The following MFHAS1 variants were observed in gnomAD, a reference collection of about 807,000 sequenced individuals.
MFHAS1 encodes multifunctional ROCO family signaling regulator 1, also known as malignant fibrous histiocytoma-amplified sequence 1.
Under a neutral mutation model 70.4 loss-of-function variants are expected in MFHAS1, and 50 were observed. The observed-to-expected ratio is 0.71, with a 90% confidence interval of 0.57 to 0.90. MFHAS1 has a LOEUF of 0.90. MFHAS1 is among the 40% of genes least tolerant of loss of function. MFHAS1 has a pLI of 0.00. For synonymous variants in MFHAS1, 952 were observed against 620.0 expected, an observed-to-expected ratio of 1.54 and a Z score of -7.96; for missense variants, 1,795 against 1,347.6, an observed-to-expected ratio of 1.33 and a Z score of -5.20.
At chr8:8,880,269 C>T (rs962101895) in intron 1 of MFHAS1, among the ~76,000 whole-genome samples, 10 of 152,198 alleles carry the variant, frequency 6.6e-5, no homozygotes, top group Non-Finnish European at 1.3e-4. Context: ...GTCACTTGGC[C>T]CCAGGAAGAA....
chr8:8,815,390 A>G (rs1806704482), intron 1 of MFHAS1, among the ~76,000 whole-genome samples: 1 of 152,150 alleles, frequency 6.6e-6, no homozygotes, highest in Non-Finnish European at 1.5e-5. Context: ...CCAGTAATGG[A>G]ATTGCTGGGT....
At chr8:8,870,872 T>C (rs981176165) in intron 1 of MFHAS1, among the ~76,000 whole-genome samples, 3 of 152,210 alleles carry the variant, frequency 2.0e-5, no homozygotes, top group Non-Finnish European at 4.4e-5. Context: ...TATAGTCCAG[T>C]ACTGCAATGT....
intron 1 of MFHAS1, among the ~76,000 whole-genome samples, chr8:8,805,338 C>G (rs1341708249): frequency 6.6e-6 from 1 of 152,160 alleles, no homozygotes; most frequent in African/African-American, 2.4e-5. Flanking sequence ...GAAGCCTTAC[C>G]AATAATGTAA....
intron 1 of MFHAS1, among the ~76,000 whole-genome samples, chr8:8,848,334 G>C (rs572021577): frequency 1.1e-3 from 171 of 151,298 alleles, no homozygotes; most frequent in African/African-American, 4.0e-3. Flanking sequence ...ACCCGTGTTA[G>C]CCATTTGGAG....
intron 2 of MFHAS1, among the ~76,000 whole-genome samples, chr8:8,795,804 G>C (rs556102148): frequency 2.8e-4 from 42 of 152,336 alleles, no homozygotes; most frequent in African/African-American, 1.0e-3. Flanking sequence ...TTTCCCAAGA[G>C]GAGATGACAG....
At chr8:8,797,545 C>T in intron 1 of MFHAS1, 54 bp from the exon 2 acceptor site, 1 of 1,577,458 alleles carries the variant, frequency 6.3e-7, no homozygotes, top group Non-Finnish European at 8.7e-7. Context: ...AAAATGGGCT[C>T]ATTTTACAAA....
chr8:8,825,712 T>C (rs1807133095), intron 1 of MFHAS1, among the ~76,000 whole-genome samples: 1 of 152,186 alleles, frequency 6.6e-6, no homozygotes, highest in Non-Finnish European at 1.5e-5. Flanking sequence ...TAATTACCTC[T>C]TTAAAGACCC....
intron 1 of MFHAS1, among the ~76,000 whole-genome samples, chr8:8,837,680 C>T (rs1807649307): frequency 6.6e-6 from 1 of 151,318 alleles, no homozygotes; most frequent in Non-Finnish European, 1.5e-5. Context: ...AGATGCTCAA[C>T]ACCACTTATC....
At chr8:8,818,041 A>G (rs1806813282) in intron 1 of MFHAS1, among the ~76,000 whole-genome samples, 3 of 152,068 alleles carry the variant, frequency 2.0e-5, no homozygotes, top group Admixed American at 1.3e-4. Context: ...TATGCATCCC[A>G]TTATGGACTA....
chr8:8,882,733 G>C (rs889176461), intron 1 of MFHAS1, among the ~76,000 whole-genome samples: 1 of 152,238 alleles, frequency 6.6e-6, no homozygotes, highest in East Asian at 1.9e-4. Flanking sequence ...ATTCATGCTA[G>C]AGCAGCCTTG....
chr8:8,861,568 T>G (rs2116890320), intron 1 of MFHAS1, among the ~76,000 whole-genome samples: 1 of 152,340 alleles, frequency 6.6e-6, no homozygotes, highest in Non-Finnish European at 1.5e-5. Flanking sequence ...ATTTTTTAAA[T>G]TAACAAGATA....
chr8:8,893,609 G>A lies in MFHAS1; in HGVS notation c.-551C>T, dbSNP rs1420706960. 2 of 146,852 alleles carry A rather than the reference G, an allele frequency of 1.4e-5. No individual in the cohort carries two copies. The highest frequency in any genetic ancestry group is 3.0e-5 in the Non-Finnish European group (2 of 65,932). 9.1% of individuals were successfully genotyped at this position (146,852 alleles called of 1,614,324 possible). A position where few individuals can be genotyped will look rare whatever the true frequency, so the allele number is the denominator to read the frequency against. Reference sequence around the variant, plus strand: ...GCGGGCGCCGCGTCCCCGGCGCTGGGAGGGCGCGATTGGGAAGCGGCAGCG... The same window carrying A: ...GCGGGCGCCGCGTCCCCGGCGCTGGAAGGGCGCGATTGGGAAGCGGCAGCG... On this transcript the variant is annotated 5_prime_UTR_variant, in exon 1 of 3. Coordinates refer to ENST00000276282, the MANE Select transcript of MFHAS1 (RefSeq NM_004225.3).
chr8:8,871,909 C>G (rs1342802732), intron 1 of MFHAS1, among the ~76,000 whole-genome samples: 2 of 152,198 alleles, frequency 1.3e-5, no homozygotes, highest in Non-Finnish European at 2.9e-5. Flanking sequence ...ATATTCATCT[C>G]TAGCTACAGC....
chr8:8,877,770 A>G (rs558692094), intron 1 of MFHAS1, among the ~76,000 whole-genome samples: 1 of 152,324 alleles, frequency 6.6e-6, no homozygotes, highest in East Asian at 1.9e-4. Context: ...AGCCCAGCCC[A>G]ATGACAAAGG....
intron 1 of MFHAS1, among the ~76,000 whole-genome samples, chr8:8,806,149 G>A (rs888589204): frequency 4.6e-5 from 7 of 152,130 alleles, no homozygotes; most frequent in Non-Finnish European, 8.8e-5. Context: ...TGCAACAGGA[G>A]AGCCCATCTC....
Position 8,891,074 on chromosome 8 carries a change from G to T in MFHAS1, c.1985C>A (p.Ser662Tyr), listed in dbSNP as rs1439116209. ...ATGCAGTTCCTCCAGCACCTGCCAG[G>T]ATCGAGGCAGTACTCTGTGTAAGTT... ...FPNLHRVLPR[S>Y]WQVLEELHFQ... is the part of the protein sequence containing the mutation. Residue 662 changes from serine to tyrosine, a missense_variant, in exon 1 of 3, where the codon TCC becomes TAC. Ser to Tyr is a moderately radical substitution (Grantham distance 144). Transcript: ENST00000276282. The surrounding 1 kb of genome is among the most constrained non-coding windows in gnomAD (Gnocchi z 5.4). 1 of 1,613,806 alleles carries T rather than the reference G, an allele frequency of 6.2e-7. No homozygotes were observed. Among genetic ancestry groups the T allele is most frequent in the Admixed American group, 1.7e-5 (1 of 59,980 alleles).
chr8:8,867,428 G>C (rs562057968), intron 1 of MFHAS1, among the ~76,000 whole-genome samples: 1 of 151,818 alleles, frequency 6.6e-6, no homozygotes. Flanking sequence ...TATAGGTGTC[G>C]CACAGAAAAT....
At chr8:8,850,484 T>C (rs1043247990) in intron 1 of MFHAS1, among the ~76,000 whole-genome samples, 9 of 152,144 alleles carry the variant, frequency 5.9e-5, no homozygotes, top group African/African-American at 9.7e-5. Flanking sequence ...TTTTAAAGAT[T>C]AGGAGATAGA....
intron 1 of MFHAS1, among the ~76,000 whole-genome samples, chr8:8,870,627 T>A (rs1259548797): frequency 6.6e-6 from 1 of 152,032 alleles, no homozygotes; most frequent in East Asian, 1.9e-4. Flanking sequence ...AGACCTCCCA[T>A]CCATCTAACC....
Sources: gnomAD v4.1 joint callset for allele counts (sites outside exome capture counted in the v4.1 genomes callset) on GRCh38, gnomAD v4.1.1 for gene constraint, Gnocchi (gnomAD v3.1) non-coding constraint, MANE v1.5 for transcripts, NCBI Gene and HGNC (gene_info 2026-07-23, HGNC 2026-07-21) for gene names.